Variants in TSHZ2 observed in about 807,000 individuals in gnomAD.
TSHZ2 encodes teashirt homolog 2.
A neutral mutation model predicts 74.4 loss-of-function variants in TSHZ2; 21 were observed. The ratio of observed to expected loss-of-function variants is 0.28; its 90% CI spans 0.20 to 0.41. The LOEUF (loss-of-function observed/expected upper bound fraction) is 0.41, where lower values mean the gene tolerates loss of function less well. TSHZ2 is among the 10% of genes least tolerant of loss of function. The probability of loss-of-function intolerance (pLI) is 1.00; values close to 1 mark genes in which losing one functional copy is unlikely to be tolerated. For synonymous variants in TSHZ2, 540 were observed against 515.3 expected (o/e 1.05, Z -0.65); for missense variants, 1,244 against 1,293.5 (o/e 0.96, Z 0.59).
chr20:53,378,341 AAATAATAATAATAAT>A (rs11474507), intron 2 of TSHZ2, among the ~76,000 whole-genome samples: 69 of 142,518 alleles, frequency 4.8e-4, no homozygotes, highest in East Asian at 3.1e-3. Context: ...CTTTGTATCA[AAATAATAATAATAAT>A]AATAATAATA....
intron 1 of TSHZ2, among the ~76,000 whole-genome samples, chr20:53,059,333 C>A (rs1435479185): frequency 6.6e-6 from 1 of 152,170 alleles, no homozygotes; most frequent in Admixed American, 6.5e-5. Flanking sequence ...AATGCATAAA[C>A]CTTTCTCACA....
chr20:53,131,480 G>T (rs1275619680), intron 1 of TSHZ2, among the ~76,000 whole-genome samples: 1 of 152,070 alleles, frequency 6.6e-6, no homozygotes, highest in African/African-American at 2.4e-5. Flanking sequence ...TGAACACCTG[G>T]GTCCTCTGAT....
chr20:53,055,129 A>G (rs1368975498), intron 1 of TSHZ2, among the ~76,000 whole-genome samples: 7 of 152,298 alleles, frequency 4.6e-5, no homozygotes, highest in African/African-American at 1.7e-4. Flanking sequence ...TATTGATGAC[A>G]AAAAAAGCAA....
At chr20:53,395,732 C>T (rs768229171) in intron 2 of TSHZ2, among the ~76,000 whole-genome samples, 35 of 152,196 alleles carry the variant, frequency 2.3e-4, no homozygotes, top group Non-Finnish European at 8.8e-5. Context: ...AAGTCATGAA[C>T]ATGACCGTGC....
chr20:52,994,728 C>T (rs1249803076), intron 1 of TSHZ2, among the ~76,000 whole-genome samples: 2 of 152,098 alleles, frequency 1.3e-5, no homozygotes, highest in Non-Finnish European at 2.9e-5. Context: ...CAGATTTTTC[C>T]CTGGTTGGCC....
chr20:53,227,912 G>A (rs1009522864), intron 1 of TSHZ2, among the ~76,000 whole-genome samples: 4 of 150,106 alleles, frequency 2.7e-5, no homozygotes, highest in East Asian at 1.9e-4. Flanking sequence ...TATTTTTAAC[G>A]AACTGAAGTT....
chr20:53,336,782 C>A (rs1340128248), intron 2 of TSHZ2, among the ~76,000 whole-genome samples: 2 of 152,044 alleles, frequency 1.3e-5, no homozygotes, highest in South Asian at 2.1e-4. Context: ...CGCTTTCTCT[C>A]TATATATATG....
chr20:52,995,762 G>A (rs1034451761), intron 1 of TSHZ2, among the ~76,000 whole-genome samples: 2 of 151,218 alleles, frequency 1.3e-5, no homozygotes, highest in African/African-American at 2.4e-5. Flanking sequence ...ACAGGCATAC[G>A]CCTCCATACC....
chr20:53,214,259 T>A (rs553728772), intron 1 of TSHZ2, among the ~76,000 whole-genome samples: 1 of 151,634 alleles, frequency 6.6e-6, no homozygotes, highest in African/African-American at 2.4e-5. Context: ...GTTACGGGGG[T>A]GGCAGGGGGA....
chr20:52,997,624 G>T (rs1357432269), intron 1 of TSHZ2, among the ~76,000 whole-genome samples: 2 of 152,054 alleles, frequency 1.3e-5, no homozygotes, highest in Non-Finnish European at 2.9e-5. Context: ...ACCCTCTAGA[G>T]TTTCTGAATG....
At chr20:53,084,327 A>T (rs1336866741) in intron 1 of TSHZ2, among the ~76,000 whole-genome samples, 1 of 152,184 alleles carries the variant, frequency 6.6e-6, no homozygotes, top group African/African-American at 2.4e-5. Flanking sequence ...GTTTGAAGCA[A>T]TTTGGATATT....
chr20:53,469,326 T>C (rs1985682593), intron 2 of TSHZ2, among the ~76,000 whole-genome samples: 1 of 151,564 alleles, frequency 6.6e-6, no homozygotes, highest in Non-Finnish European at 1.5e-5. Flanking sequence ...AGTGGATCAC[T>C]TGAGGTCAGA....
intron 1 of TSHZ2, among the ~76,000 whole-genome samples, chr20:53,110,097 T>TTTC (rs1408892197): frequency 6.6e-6 from 1 of 152,194 alleles, no homozygotes; most frequent in East Asian, 1.9e-4. Flanking sequence ...CAGGCTTGTG[T>TTTC]TTCTGTGTGA....
At chr20:53,273,722 A>G (rs1422495250) in intron 2 of TSHZ2, among the ~76,000 whole-genome samples, 1 of 152,148 alleles carries the variant, frequency 6.6e-6, no homozygotes, top group Non-Finnish European at 1.5e-5. Context: ...GCCTCAGTGG[A>G]GGCGGTGAGC....
At chr20:53,437,491 GAAAAGAA>G (rs1465449071) in intron 2 of TSHZ2, among the ~76,000 whole-genome samples, 1 of 151,846 alleles carries the variant, frequency 6.6e-6, no homozygotes, top group Non-Finnish European at 1.5e-5. Context: ...GAAAAGAAAA[GAAAAGAA>G]AAAAGAAAAA....
rs543394530 is a variant in TSHZ2 at position 53,255,173 on chromosome 20, C to T, written c.1715C>T (p.Thr572Ile). ...GTACTGCAGATCCGGCCTAATCTCA[C>T]CAACAAGCTGAGGCCCATTGCACCA... ...SQVLQIRPNL[T>I]NKLRPIAPKW... is the part of the protein sequence containing the mutation. The change falls in exon 2 of 3, where the codon ACC (threonine) becomes ATC (isoleucine). Residue 572 changes from threonine (T) to isoleucine (I), a missense_variant. This residue lies in a region of TSHZ2 where 562 missense variants were observed against 544.0 expected (regional missense o/e 1.03). Coordinates refer to ENST00000371497, the MANE Select transcript of TSHZ2 (RefSeq NM_173485.6). The surrounding 1 kb of genome is among the most constrained non-coding windows in gnomAD (Gnocchi z 4.1). The T allele has an allele frequency of 1.8e-5, 29 of 1,614,074 alleles. No individual in the cohort carries two copies. The highest frequency in any genetic ancestry group is 2.2e-5 in the Non-Finnish European group (26 of 1,180,040).
chr20:53,361,641 T>A (rs1981057580), intron 2 of TSHZ2, among the ~76,000 whole-genome samples: 1 of 152,170 alleles, frequency 6.6e-6, no homozygotes, highest in Admixed American at 6.5e-5. Flanking sequence ...TTAGTCAGCT[T>A]TCCAGAAATT....
chr20:53,470,119 T>C (rs943951169), intron 2 of TSHZ2, among the ~76,000 whole-genome samples: 1 of 152,182 alleles, frequency 6.6e-6, no homozygotes, highest in Non-Finnish European at 1.5e-5. Flanking sequence ...TTAGTCTCAG[T>C]CTCTGTTGTC....
In TSHZ2 at chr20:53,159,982, C is replaced by T. The variant is rs768504604; in HGVS notation, c.41-93517C>T. ...AAGTTGGAGGAGGCTTTCCTGAGGACGTTGTGTTTGAGGTAGGAGCTGAAT... is the reference window on the plus strand; with the variant it reads ...AAGTTGGAGGAGGCTTTCCTGAGGATGTTGTGTTTGAGGTAGGAGCTGAAT... On this transcript the variant is annotated intron_variant, in intron 1 of 2. Coordinates refer to ENST00000371497, the MANE Select transcript of TSHZ2 (RefSeq NM_173485.6). Among the ~76,000 whole-genome samples the T allele has an allele frequency of 1.3e-4, 20 of 152,036 alleles. No homozygotes were observed. In the South Asian group the frequency reaches 1.5e-3, roughly 11 times the overall value.
Sources: allele counts gnomAD v4.1 joint callset (sites outside exome capture counted in the v4.1 genomes callset), GRCh38; gene constraint gnomAD v4.1.1; regional missense constraint gnomAD v4.1.1; non-coding constraint Gnocchi (gnomAD v3.1); transcripts MANE v1.5; gene names NCBI Gene and HGNC (gene_info 2026-07-23, HGNC 2026-07-21).